DHX35: variants seen among roughly 807,000 people sequenced by gnomAD.
The protein encoded by DHX35 is probable ATP-dependent RNA helicase DHX35.
DHX35 carries 84 observed loss-of-function variants against 99.6 expected under a neutral mutation model. The ratio of observed to expected loss-of-function variants is 0.84; its 90% CI spans 0.71 to 1.01. DHX35 has a LOEUF of 1.01. Among genes scored for constraint, DHX35 ranks in the 50% least tolerant of loss-of-function variants. The pLI is 0.00. For missense variants in DHX35, 852 were observed against 888.5 expected, an observed-to-expected ratio of 0.96 and a Z score of 0.52; for synonymous variants, 331 against 316.2, an observed-to-expected ratio of 1.05 and a Z score of -0.50.
chr20:38,985,892 T>G (rs2086242030), intron 4 of DHX35, among the ~76,000 whole-genome samples: 1 of 152,240 alleles, frequency 6.6e-6, no homozygotes, highest in African/African-American at 2.4e-5. Flanking sequence ...GACTAAAATC[T>G]GCAAACAATC....
chr20:38,998,887 C>T (rs975366442), intron 8 of DHX35, among the ~76,000 whole-genome samples: 28 of 152,122 alleles, frequency 1.8e-4, no homozygotes, highest in Non-Finnish European at 2.9e-4. Context: ...GCCTCCGCCT[C>T]GCAGGTTCAA....
chr20:39,030,544 A>AGAGG, intron 19 of DHX35, 160 bp from the exon 20 acceptor site: 1 of 633,266 alleles, frequency 1.6e-6, no homozygotes, highest in Non-Finnish European at 2.7e-6. Context: ...GGCAGCCAGG[A>AGAGG]GAGGGATCAA....
At chr20:39,001,948 A>G in intron 9 of DHX35, 106 bp downstream of exon 9, 2 of 893,874 alleles carry the variant, frequency 2.2e-6, no homozygotes, top group Admixed American at 4.0e-5. Context: ...GGGGAGGAGC[A>G]TGTTTTGTGT....
chr20:39,003,828 G>A lies in DHX35; in HGVS notation c.932G>A (p.Arg311Gln), dbSNP rs184932681. ...CGCACTGGGATGAAGAGACACCTCC[G>A]AGTTCTCCCCATGTATGCAGGACTG... ...LARTGMKRHL[R>Q]VLPMYAGLPS... The change falls in exon 11 of 22, where the codon CGA (arginine) becomes CAA (glutamine). Residue 311 changes from arginine (R) to glutamine (Q), a missense_variant. Transcript: ENST00000252011. 1.9e-6 allele frequency: 3 copies of A among 1,614,206 alleles called. No homozygotes were observed. The highest frequency in any genetic ancestry group is 1.3e-5 in the African/African-American group (1 of 75,056).
intron 14 of DHX35, among the ~76,000 whole-genome samples, chr20:39,017,284 T>G (rs1008290097): frequency 1.3e-5 from 2 of 152,212 alleles, no homozygotes; most frequent in East Asian, 1.9e-4. Context: ...TTAAAAGATC[T>G]CCAGTGATTT....
intron 3 of DHX35, among the ~76,000 whole-genome samples, chr20:38,974,734 C>T (rs112723250): frequency 3.4e-4 from 52 of 152,146 alleles, no homozygotes; most frequent in African/African-American, 1.2e-3. Context: ...AGGACAAAGT[C>T]CATGGAGCAT....
At position 38,962,361 on chromosome 20, in the gene DHX35, C is replaced by A. The variant is rs1368667650; in HGVS notation, c.-7C>A. On this transcript the variant is annotated 5_prime_UTR_variant, in exon 1 of 22. Coordinates refer to ENST00000252011, the MANE Select transcript of DHX35 (RefSeq NM_021931.4). The stretch of plus-strand genomic sequence containing the variant: ...GTGGAGCTAGCCTCGTGACCTTTTA[C>A]CCCAACATGGCTGCGCCCGTGGGAC... 6.2e-7 allele frequency: 1 copy of A among 1,612,164 alleles called. No homozygotes were observed. The highest frequency in any genetic ancestry group is 1.7e-5 in the Admixed American group (1 of 59,878).
chr20:39,010,701 A>G (rs1317612114), intron 13 of DHX35, among the ~76,000 whole-genome samples: 2 of 152,208 alleles, frequency 1.3e-5, no homozygotes, highest in Non-Finnish European at 2.9e-5. Flanking sequence ...AGGGCCTCCC[A>G]GGTGAAACCT....
At position 39,028,514 on chromosome 20, in the gene DHX35, G is replaced by C; in HGVS notation, c.1883+15G>C. 6.2e-7 allele frequency: 1 copy of C among 1,613,496 alleles called. No homozygotes were observed. Among genetic ancestry groups the C allele is most frequent in the African/African-American group, 1.3e-5 (1 of 75,022 alleles). Reference sequence around the variant, plus strand: ...GGAGCTTATAGGTAACATGATACTTGGTGAAGTCATTTGTTAAAGGAACAA... The same window carrying C: ...GGAGCTTATAGGTAACATGATACTTCGTGAAGTCATTTGTTAAAGGAACAA... On this transcript the variant is annotated intron_variant, in intron 19 of 21. Transcript: ENST00000252011.
rs1253629224 is a variant in DHX35 at position 38,988,930 on chromosome 20, A to C, written c.450+13A>C. On this transcript the variant is annotated intron_variant, in intron 5 of 21. Coordinates refer to ENST00000252011, the MANE Select transcript of DHX35 (RefSeq NM_021931.4). Reference sequence around the variant, plus strand: ...CACGAGAATTAAGGTAAAGTGCTCAAGCTGCTTTTCCTAGTGGAAATAAGG... The same window carrying C: ...CACGAGAATTAAGGTAAAGTGCTCACGCTGCTTTTCCTAGTGGAAATAAGG... 1 of 1,610,370 alleles carries C rather than the reference A, an allele frequency of 6.2e-7. No individual in the cohort carries two copies. Among genetic ancestry groups the C allele is most frequent in the Admixed American group, 1.7e-5 (1 of 59,914 alleles).
In DHX35 at chr20:39,038,627, G is replaced by A; in HGVS notation, c.*84G>A. 1 of 1,419,610 alleles carries A rather than the reference G, an allele frequency of 7.0e-7. No homozygotes were observed. The highest frequency in any genetic ancestry group is 9.7e-7 in the Non-Finnish European group (1 of 1,033,554). 87.9% of individuals were successfully genotyped at this position (1,419,610 alleles called of 1,614,324 possible). A position where few individuals can be genotyped will look rare whatever the true frequency, so the allele number is the denominator to read the frequency against. The stretch of plus-strand genomic sequence containing the variant: ...CCCTGGTCCCAGGTGGGGTGAGCTG[G>A]CACCAGCTCCTGTGGAATGTTTGGT... On this transcript the variant is annotated 3_prime_UTR_variant, in exon 22 of 22. Coordinates refer to ENST00000252011, the MANE Select transcript of DHX35 (RefSeq NM_021931.4).
At chr20:39,024,683 A>G (rs2086924631) in intron 17 of DHX35, among the ~76,000 whole-genome samples, 2 of 152,220 alleles carry the variant, frequency 1.3e-5, no homozygotes, top group South Asian at 2.1e-4. Flanking sequence ...AAGCACTTTA[A>G]CTTACAATAG....
chr20:38,986,131 A>G (rs553445405), intron 4 of DHX35, among the ~76,000 whole-genome samples: 1 of 151,816 alleles, frequency 6.6e-6, no homozygotes, highest in East Asian at 1.9e-4. Context: ...CTATTTAATG[A>G]GATACAAATT....
At chr20:39,015,616 A>C (rs2086772837) in intron 14 of DHX35, among the ~76,000 whole-genome samples, 1 of 152,136 alleles carries the variant, frequency 6.6e-6, no homozygotes, top group Non-Finnish European at 1.5e-5. Flanking sequence ...TTTTGAATTA[A>C]GTTTTAGTGG....
At chr20:39,026,764 C>T (rs976215365) in intron 18 of DHX35, among the ~76,000 whole-genome samples, 5 of 151,982 alleles carry the variant, frequency 3.3e-5, no homozygotes, top group African/African-American at 1.2e-4. Flanking sequence ...AATACACTCA[C>T]GAGAGAGGGA....
At chr20:38,964,822 A>G (rs1427461139) in intron 1 of DHX35, among the ~76,000 whole-genome samples, 1 of 152,198 alleles carries the variant, frequency 6.6e-6, no homozygotes, top group Non-Finnish European at 1.5e-5. Context: ...AGGAAATTAG[A>G]GAAGGTACTA....
chr20:38,965,948 C>T (rs1281714335), intron 1 of DHX35, among the ~76,000 whole-genome samples: 2 of 152,174 alleles, frequency 1.3e-5, no homozygotes, highest in Admixed American at 6.5e-5. Flanking sequence ...TGACTTGACC[C>T]ACAGTAAGAT....
At chr20:38,972,927 T>C (rs973594403) in intron 3 of DHX35, among the ~76,000 whole-genome samples, 1 of 152,212 alleles carries the variant, frequency 6.6e-6, no homozygotes. Context: ...ATGTGAAATA[T>C]AGAGTTTTTA....
rs115759102 is a variant in DHX35 at position 39,015,716 on chromosome 20, G to T, written c.1402+782G>T. Among the ~76,000 whole-genome samples, 508 of 151,858 alleles carry T rather than the reference G, an allele frequency of 3.3e-3. 2 individuals carry two copies. Among genetic ancestry groups the T allele is most frequent in the African/African-American group, 0.011 (437 of 41,360 alleles). On this transcript the variant is annotated intron_variant, in intron 14 of 21. Coordinates refer to ENST00000252011, the MANE Select transcript of DHX35 (RefSeq NM_021931.4). ...AGTTTATGTACTATACAATTCACTC[G>T]TTTACAGTGTACAAATTCAGAGGCT...
Sources: gnomAD v4.1 joint callset for allele counts (sites outside exome capture counted in the v4.1 genomes callset) on GRCh38, gnomAD v4.1.1 for gene constraint, MANE v1.5 for transcripts, NCBI Gene and HGNC (gene_info 2026-07-23, HGNC 2026-07-21) for gene names.